Variants in USP31 observed in about 807,000 individuals in gnomAD.
USP31 encodes the protein ubiquitin carboxyl-terminal hydrolase 31.
A neutral mutation model predicts 119.4 loss-of-function variants in USP31; 44 were observed. The observed-to-expected ratio is 0.37, with a 90% CI of 0.29 to 0.47. The LOEUF is 0.47. USP31 is among the 20% of genes least tolerant of loss of function. The pLI, the probability that USP31 is intolerant of heterozygous loss-of-function variation, is 0.99. For synonymous variants in USP31, 749 were observed against 705.6 expected (o/e 1.06, Z -0.97); for missense variants, 1,643 against 1,730.2 (o/e 0.95, Z 0.89).
rs543164103 is a variant in USP31 at position 23,137,767 on chromosome 16, C to T, written c.633+10871G>A. On this transcript the variant is annotated intron_variant, in intron 1 of 15. Transcript: ENST00000219689. ...CCAACAAAGCAAAAAGTTATTAACACGATTCATGTTCATTATAGTAAAACA... is the reference window on the plus strand; with the variant it reads ...CCAACAAAGCAAAAAGTTATTAACATGATTCATGTTCATTATAGTAAAACA... 5.3e-5 allele frequency among the ~76,000 whole-genome samples: 8 copies of T among 150,170 alleles called. No individual in the cohort carries two copies. In the South Asian group the frequency reaches 1.5e-3, roughly 28 times the overall value.
At chr16:23,089,199 A>G (rs1901243770) in intron 7 of USP31, among the ~76,000 whole-genome samples, 1 of 152,072 alleles carries the variant, frequency 6.6e-6, no homozygotes, top group African/African-American at 2.4e-5. Context: ...TTCCCTCTGC[A>G]TGGGATCCTT....
chr16:23,127,778 G>A (rs764427551), intron 1 of USP31, among the ~76,000 whole-genome samples: 2 of 151,660 alleles, frequency 1.3e-5, no homozygotes, highest in African/African-American at 2.4e-5. Flanking sequence ...GCGCCTGGCC[G>A]AAACAACTAA....
At chr16:23,115,652 T>C (rs1368349159) in intron 1 of USP31, 1 of 444,596 alleles carries the variant, frequency 2.2e-6, no homozygotes, top group African/African-American at 2.1e-5. Context: ...CTGACTTAAA[T>C]CCTATACATC....
rs1900757873 is a variant in USP31, at chr16:23,080,235, A to C, written c.1951-64T>G. On this transcript the variant is annotated intron_variant, in intron 12 of 15. Coordinates refer to ENST00000219689, the MANE Select transcript of USP31 (RefSeq NM_020718.4). ...ATGCAAGCAGATGGCAGATCACTTT[A>C]GAGGGGAATGTGGATCCTATCAGAC... is the stretch of plus-strand genomic sequence containing the variant. The C allele has an allele frequency of 2.1e-6, 3 of 1,400,180 alleles. No individual in the cohort carries two copies. In the East Asian group the frequency reaches 7.1e-5, roughly 33 times the overall value. 86.7% of individuals were successfully genotyped at this position (1,400,180 alleles called of 1,614,324 possible).
In USP31 at chr16:23,131,281, G is replaced by A. The variant is rs562843394; in HGVS notation, c.633+17357C>T. 3.9e-5 allele frequency among the ~76,000 whole-genome samples: 6 copies of A among 152,256 alleles called. No homozygotes were observed. In the South Asian group the frequency reaches 6.2e-4, roughly 16 times the overall value. The stretch of plus-strand genomic sequence containing the variant: ...CATGCCACTGCACTCCAGGCTGGGC[G>A]ACAGAGCAAGACTGTCTAAAAATAG... On this transcript the variant is annotated intron_variant, in intron 1 of 15. Coordinates refer to ENST00000219689, the MANE Select transcript of USP31 (RefSeq NM_020718.4).
At chr16:23,119,359 C>T (rs943523746) in intron 1 of USP31, among the ~76,000 whole-genome samples, 6 of 152,104 alleles carry the variant, frequency 3.9e-5, no homozygotes, top group African/African-American at 1.4e-4. Context: ...CAGCCTCCCA[C>T]GGTGCTGGGA....
rs1220826253 is a variant in USP31, at chr16:23,069,398, C to T, written c.2707G>A (p.Ala903Thr). ...ASTLEKIGEA[A>T]DDKVSISCFG... ...CAAGAGATGGAGACCTTGTCATCTGCTGCCTCCCCAATCTTCTCCAAGGTG... is the reference window on the plus strand; with the variant it reads ...CAAGAGATGGAGACCTTGTCATCTGTTGCCTCCCCAATCTTCTCCAAGGTG... The change falls in exon 16 of 16, where the codon GCA becomes ACA. Residue 903 changes from alanine (A) to threonine (T), a missense_variant. By Grantham distance (58) the Ala-to-Thr change is moderately conservative. Transcript: ENST00000219689. 6.2e-7 allele frequency: 1 copy of T among 1,611,828 alleles called. No individual in the cohort carries two copies. Among genetic ancestry groups the T allele is most frequent in the African/African-American group, 1.3e-5 (1 of 74,912 alleles).
chr16:23,077,227 C>G (rs1900615067), intron 13 of USP31, among the ~76,000 whole-genome samples: 1 of 152,192 alleles, frequency 6.6e-6, no homozygotes, highest in Non-Finnish European at 1.5e-5. Flanking sequence ...CATTCCATCA[C>G]AAGATGCGCT....
At chr16:23,092,231 C>G (rs1250795260) in intron 6 of USP31, among the ~76,000 whole-genome samples, 1 of 152,208 alleles carries the variant, frequency 6.6e-6, no homozygotes, top group Non-Finnish European at 1.5e-5. Flanking sequence ...ATAAGGCAGT[C>G]TCTGGCTAGA....
chr16:23,112,856 C>T (rs142916438), intron 1 of USP31, among the ~76,000 whole-genome samples: 22 of 151,924 alleles, frequency 1.4e-4, no homozygotes, highest in African/African-American at 5.3e-4. Flanking sequence ...TGGAGAAATC[C>T]CGTCTCTACT....
At chr16:23,078,903 C>G (rs1900700775) in intron 13 of USP31, 1 of 152,226 alleles carries the variant, frequency 6.6e-6, no homozygotes, top group Non-Finnish European at 1.5e-5. Context: ...GCAGGAAATT[C>G]TGATACCTGC....
intron 1 of USP31, among the ~76,000 whole-genome samples, chr16:23,136,380 C>G (rs1194305390): frequency 6.6e-6 from 1 of 152,098 alleles, no homozygotes; most frequent in Non-Finnish European, 1.5e-5. Flanking sequence ...TGGCTGGGCA[C>G]GGCGGCTCAC....
chr16:23,109,951 C>A (rs753693763), intron 1 of USP31, among the ~76,000 whole-genome samples: 1 of 151,556 alleles, frequency 6.6e-6, no homozygotes, highest in South Asian at 2.1e-4. Flanking sequence ...GATGATGTGA[C>A]GACTAAATGC....
chr16:23,091,648 A>C lies in USP31; in HGVS notation c.1235-844T>G, dbSNP rs571621928. On this transcript the variant is annotated intron_variant, in intron 6 of 15. Coordinates refer to ENST00000219689, the MANE Select transcript of USP31 (RefSeq NM_020718.4). The stretch of plus-strand genomic sequence containing the variant: ...TAACCTCAATACTCAGCAATCTAAG[A>C]CTCACTGAACCTATTAAGATACCTC... Among the ~76,000 whole-genome samples the C allele has an allele frequency of 1.1e-4, 16 of 152,248 alleles. 1 individual carries two copies. The highest frequency in any genetic ancestry group is 2.4e-4 in the Non-Finnish European group (16 of 68,044).
At chr16:23,112,804 G>A (rs1031395629) in intron 1 of USP31, among the ~76,000 whole-genome samples, 3 of 151,850 alleles carry the variant, frequency 2.0e-5, no homozygotes, top group African/African-American at 7.3e-5. Context: ...TGAGGTGGGC[G>A]GATCACCTGA....
intron 1 of USP31, among the ~76,000 whole-genome samples, chr16:23,117,246 T>C (rs1044105527): frequency 1.3e-5 from 2 of 152,208 alleles, no homozygotes; most frequent in African/African-American, 4.8e-5. Flanking sequence ...ATATCCATGT[T>C]CTCAGGATCC....
At chr16:23,129,538 A>C (rs985452863) in intron 1 of USP31, among the ~76,000 whole-genome samples, 1 of 152,194 alleles carries the variant, frequency 6.6e-6, no homozygotes, top group African/African-American at 2.4e-5. Flanking sequence ...TGGGGAGAAT[A>C]AAGGCAAAGG....
intron 1 of USP31, among the ~76,000 whole-genome samples, chr16:23,130,068 G>C (rs779433090): frequency 6.6e-6 from 1 of 152,116 alleles, no homozygotes; most frequent in Non-Finnish European, 1.5e-5. Context: ...ACTTGCCTCA[G>C]GTCTCAGAAT....
chr16:23,102,045 G>C (rs1038875007), intron 6 of USP31, among the ~76,000 whole-genome samples: 1 of 148,860 alleles, frequency 6.7e-6, no homozygotes, highest in African/African-American at 2.5e-5. Flanking sequence ...TGCCAAAAAG[G>C]CTACTTAAAG....
Sources: gnomAD v4.1 joint callset for allele counts (sites outside exome capture counted in the v4.1 genomes callset) on GRCh38, gnomAD v4.1.1 for gene constraint, MANE v1.5 for transcripts, NCBI Gene and HGNC (gene_info 2026-07-23, HGNC 2026-07-21) for gene names.